Variants in CACNA1B observed in about 807,000 individuals in gnomAD.
CACNA1B encodes the protein calcium voltage-gated channel subunit alpha1 B, also known as voltage-dependent N-type calcium channel subunit alpha-1B.
In CACNA1B, 70 loss-of-function variants were observed where a neutral mutation model predicts 247.2. The observed-to-expected ratio is 0.28, with a 90% confidence interval of 0.23 to 0.35. The LOEUF (loss-of-function observed/expected upper bound fraction) is 0.35, where lower values mean the gene tolerates loss of function less well. Ranked by LOEUF, CACNA1B falls within the 10% of genes least tolerant of loss-of-function variation. The pLI is 1.00. For missense variants in CACNA1B, 2,367 were observed against 3,197.4 expected (o/e 0.74, Z 6.26); for synonymous variants, 1,231 against 1,294.4 (o/e 0.95, Z 1.05).
Position 137,891,785 on chromosome 9 carries a change from C to T in CACNA1B, c.530+8902C>T. The stretch of plus-strand genomic sequence containing the variant: ...GGCCTCCACCCTGCGTGCCTGTGTG[C>T]AGCCCCACACGTGCTGAAGCATCTC... On this transcript the variant is annotated intron_variant, in intron 3 of 46. Transcript: ENST00000371372. This position sits in a 1 kb window ranked among gnomAD's most constrained non-coding sequence, Gnocchi z 4.3. 1 of 343,514 alleles carries T rather than the reference C, an allele frequency of 2.9e-6. No homozygotes were observed. The highest frequency in any genetic ancestry group is 5.8e-6 in the Non-Finnish European group (1 of 173,086). The allele number at this position is 343,514 out of a possible 1,614,324, so 21.3% of individuals were successfully genotyped here. A position where few individuals can be genotyped will look rare whatever the true frequency, so the allele number is the denominator to read the frequency against.
chr9:138,061,655 G>C (rs935282169), intron 31 of CACNA1B, among the ~76,000 whole-genome samples: 2 of 152,216 alleles, frequency 1.3e-5, no homozygotes, highest in Non-Finnish European at 2.9e-5. Context: ...ATGTTATATG[G>C]AATCCTGTGT....
At chr9:137,944,696 G>T (rs1183462747) in intron 6 of CACNA1B, among the ~76,000 whole-genome samples, 2 of 152,188 alleles carry the variant, frequency 1.3e-5, no homozygotes, top group Non-Finnish European at 2.9e-5. Flanking sequence ...TAGCTTTTCT[G>T]TATGTTGTTT....
chr9:137,944,646 G>A (rs1298409582), intron 6 of CACNA1B, among the ~76,000 whole-genome samples: 1 of 152,164 alleles, frequency 6.6e-6, no homozygotes, highest in African/African-American at 2.4e-5. Context: ...CAAAGTTTGG[G>A]ACCCATCTCC....
At position 137,919,519 on chromosome 9, in the gene CACNA1B, C is replaced by T. The variant is rs1205159293; in HGVS notation, c.966+2088C>T. 6.6e-6 allele frequency among the ~76,000 whole-genome samples: 1 copy of T among 152,224 alleles called. No individual in the cohort carries two copies. Among genetic ancestry groups the T allele is most frequent in the African/African-American group, 2.4e-5 (1 of 41,468 alleles). ...GAACCGACCAGTCCGCTCCTCCACACTAAGGGCATACAGGGTCGGTCACTG... is the reference window on the plus strand; with the variant it reads ...GAACCGACCAGTCCGCTCCTCCACATTAAGGGCATACAGGGTCGGTCACTG... On this transcript the variant is annotated intron_variant, in intron 6 of 46. Transcript: ENST00000371372. This position sits in a 1 kb window ranked among gnomAD's most constrained non-coding sequence, Gnocchi z 4.6.
rs551605317 is a variant in CACNA1B at position 138,112,919 on chromosome 9, G to A, written c.5536+414G>A. Among the ~76,000 whole-genome samples, 62 of 147,960 alleles carry A rather than the reference G, an allele frequency of 4.2e-4. 1 individual carries two copies. Among genetic ancestry groups the A allele is most frequent in the South Asian group, 2.4e-3 (11 of 4,578 alleles). On this transcript the variant is annotated intron_variant, in intron 40 of 46. Transcript: ENST00000371372. ...CAACTTCATCTTGCGGGAGACGTGA[G>A]GGAGCACAGGGAAGTGCCCAACTCC...
At chr9:137,897,163 ACTTC>A (rs1957182512) in intron 3 of CACNA1B, among the ~76,000 whole-genome samples, 1 of 151,020 alleles carries the variant, frequency 6.6e-6, no homozygotes, top group Non-Finnish European at 1.5e-5. Context: ...TTATTTTATT[ACTTC>A]CTTCATTCTG....
rs937276601 is a variant in CACNA1B, at chr9:137,919,009, C to T, written c.966+1578C>T. On this transcript the variant is annotated intron_variant, in intron 6 of 46. Coordinates refer to ENST00000371372, the MANE Select transcript of CACNA1B (RefSeq NM_000718.4). This position sits in a 1 kb window ranked among gnomAD's most constrained non-coding sequence, Gnocchi z 4.6. ...AAAATAGCTCTGAGCTGGCTGCATTCCTGCTGGCCCCACCCAAATGAAGGA... is the reference window on the plus strand; with the variant it reads ...AAAATAGCTCTGAGCTGGCTGCATTTCTGCTGGCCCCACCCAAATGAAGGA... 9.2e-5 allele frequency among the ~76,000 whole-genome samples: 14 copies of T among 152,228 alleles called. No individual in the cohort carries two copies. The highest frequency in any genetic ancestry group is 3.4e-4 in the African/African-American group (14 of 41,462).
In CACNA1B at chr9:138,001,318, C is replaced by T. The variant is rs979039961; in HGVS notation, c.1975-5449C>T. ...AAGAGTATCTACAAAAACCCTACAA[C>T]CAGGATGGGTGATAGCTAATGGGTA... On this transcript the variant is annotated intron_variant, in intron 15 of 46. Coordinates refer to ENST00000371372, the MANE Select transcript of CACNA1B (RefSeq NM_000718.4). 2.3e-5 allele frequency among the ~76,000 whole-genome samples: 2 copies of T among 86,552 alleles called. 1 individual carries two copies. The highest frequency in any genetic ancestry group is 6.6e-4 in the South Asian group (2 of 3,022). 56.8% of individuals were successfully genotyped at this position (86,552 alleles called of 152,430 possible). A position where few individuals can be genotyped will look rare whatever the true frequency, so the allele number is the denominator to read the frequency against.
intron 10 of CACNA1B, among the ~76,000 whole-genome samples, chr9:137,967,674 C>G (rs1185366711): frequency 6.6e-6 from 1 of 151,872 alleles, no homozygotes; most frequent in Non-Finnish European, 1.5e-5. Flanking sequence ...GAGATCCAGG[C>G]TGCTGTGCCC....
rs749055235 is a variant in CACNA1B, at chr9:137,917,206, T to G, written c.776-35T>G. Reference sequence around the variant, plus strand: ...TGGGGATTGGAGAGCTTGGTATTTCTGAGCTCAGGGTCTGCTTCATTCTCC... The same window carrying G: ...TGGGGATTGGAGAGCTTGGTATTTCGGAGCTCAGGGTCTGCTTCATTCTCC... On this transcript the variant is annotated intron_variant, in intron 5 of 46. Coordinates refer to ENST00000371372, the MANE Select transcript of CACNA1B (RefSeq NM_000718.4). This position sits in a 1 kb window ranked among gnomAD's most constrained non-coding sequence, Gnocchi z 5.5. 1.3e-6 allele frequency: 2 copies of G among 1,581,796 alleles called. No individual in the cohort carries two copies. The highest frequency in any genetic ancestry group is 1.7e-6 in the Non-Finnish European group (2 of 1,162,092).
chr9:138,075,036 A>C (rs1309715817), intron 34 of CACNA1B, among the ~76,000 whole-genome samples: 4 of 152,216 alleles, frequency 2.6e-5, no homozygotes, highest in Non-Finnish European at 4.4e-5. Flanking sequence ...AACATAAAGC[A>C]GTGTCCCAGT....
chr9:138,090,332 A>T (rs573146466), intron 36 of CACNA1B, among the ~76,000 whole-genome samples: 1 of 152,138 alleles, frequency 6.6e-6, no homozygotes, highest in South Asian at 2.1e-4. Context: ...AAACGATGGT[A>T]GGGAAACTAG....
In CACNA1B at chr9:138,052,435, G is replaced by A. The variant is rs1959327183; in HGVS notation, c.3807+247G>A. Among the ~76,000 whole-genome samples the A allele has an allele frequency of 6.6e-6, 1 of 152,140 alleles. No homozygotes were observed. The highest frequency in any genetic ancestry group is 6.5e-5 in the Admixed American group (1 of 15,282). On this transcript the variant is annotated intron_variant, in intron 25 of 46. Transcript: ENST00000371372. The surrounding 1 kb of genome is among the most constrained non-coding windows in gnomAD (Gnocchi z 5.1). ...CCAGGCGGCACAGGGTTTTTCTTCA[G>A]CAGCTGCAGTGCAGTGCGGGAAAGG...
chr9:137,975,860 T>G lies in CACNA1B; in HGVS notation c.1544-47T>G, dbSNP rs201235240. 7.8e-6 allele frequency: 9 copies of G among 1,159,992 alleles called. No individual in the cohort carries two copies. The Admixed American group carries it at 1.3e-4, about 17-fold the overall frequency. The allele number at this position is 1,159,992 out of a possible 1,614,324, so 71.9% of individuals were successfully genotyped here. A position where few individuals can be genotyped will look rare whatever the true frequency, so the allele number is the denominator to read the frequency against. ...CCTCCAGTCTGGGCTGGAGCCAGAGTGGGAGGAGGCCTCGAGCTAATCCCC... is the reference window on the plus strand; with the variant it reads ...CCTCCAGTCTGGGCTGGAGCCAGAGGGGGAGGAGGCCTCGAGCTAATCCCC... On this transcript the variant is annotated intron_variant, in intron 11 of 46. Coordinates refer to ENST00000371372, the MANE Select transcript of CACNA1B (RefSeq NM_000718.4).
chr9:138,035,442 GGCAACAGCGA>G (rs1959030662), intron 20 of CACNA1B, among the ~76,000 whole-genome samples: 1 of 152,092 alleles, frequency 6.6e-6, no homozygotes, highest in Non-Finnish European at 1.5e-5. Flanking sequence ...CTTCAGCCTG[GGCAACAGCGA>G]GACTGTCTCA....
chr9:138,111,114 G>T (rs938746915), intron 39 of CACNA1B, among the ~76,000 whole-genome samples: 2 of 152,202 alleles, frequency 1.3e-5, no homozygotes, highest in Non-Finnish European at 2.9e-5. Flanking sequence ...AAAGAAAATG[G>T]TGCAGCCCCT....
intron 37 of CACNA1B, among the ~76,000 whole-genome samples, chr9:138,098,940 T>C (rs1247598535): frequency 6.6e-6 from 1 of 152,204 alleles, no homozygotes; most frequent in African/African-American, 2.4e-5. Context: ...GCTGAGCAGA[T>C]TGGGCCTGGA....
In CACNA1B at chr9:138,057,678, G is replaced by A. The variant is rs2087652482; in HGVS notation, c.3969-54G>A. The A allele has an allele frequency of 6.4e-7, 1 of 1,556,166 alleles. No individual in the cohort carries two copies. ...TGGTTTCAACACTCTTGATAGGTGG[G>A]TTTATTTGGATCTTTTGTCTTTGCC... is the stretch of plus-strand genomic sequence containing the variant. On this transcript the variant is annotated intron_variant, in intron 26 of 46. Coordinates refer to ENST00000371372, the MANE Select transcript of CACNA1B (RefSeq NM_000718.4). The surrounding 1 kb of genome is among the most constrained non-coding windows in gnomAD (Gnocchi z 4.0).
chr9:138,100,451 C>T lies in CACNA1B; in HGVS notation c.5223-2260C>T, dbSNP rs1050173861. Among the ~76,000 whole-genome samples the T allele has an allele frequency of 3.3e-5, 5 of 152,052 alleles. No homozygotes were observed. The highest frequency in any genetic ancestry group is 2.0e-4 in the Admixed American group (3 of 15,274). ...CGTGTGTCCAGCCCCCCGTGGTGGTCCCTTGGCTGCCACAACCTTAGCAAA... is the reference window on the plus strand; with the variant it reads ...CGTGTGTCCAGCCCCCCGTGGTGGTTCCTTGGCTGCCACAACCTTAGCAAA... On this transcript the variant is annotated intron_variant, in intron 37 of 46. Transcript: ENST00000371372. This position sits in a 1 kb window ranked among gnomAD's most constrained non-coding sequence, Gnocchi z 4.6.
Sources: gnomAD v4.1 joint callset for allele counts (sites outside exome capture counted in the v4.1 genomes callset) on GRCh38, gnomAD v4.1.1 for gene constraint, Gnocchi (gnomAD v3.1) non-coding constraint, MANE v1.5 for transcripts, NCBI Gene and HGNC (gene_info 2026-07-23, HGNC 2026-07-21) for gene names.